The following TTBK1 variants were observed in gnomAD, a reference collection of about 807,000 sequenced individuals.
TTBK1 encodes tau tubulin kinase 1.
TTBK1 carries 34 observed loss-of-function variants against 108.5 expected under a neutral mutation model. The observed-to-expected ratio is 0.31, with a 90% CI of 0.24 to 0.42. The LOEUF is 0.42. Among genes scored for constraint, TTBK1 ranks in the 10% least tolerant of loss-of-function variants. The probability of loss-of-function intolerance (pLI) is 1.00; values close to 1 mark genes in which losing one functional copy is unlikely to be tolerated. For missense variants in TTBK1, 1,539 were observed against 1,826.0 expected (o/e 0.84, Z 2.86); for synonymous variants, 809 against 795.1 (o/e 1.02, Z -0.29).
chr6:43,264,064 G>A (rs2150696860), intron 13 of TTBK1, among the ~76,000 whole-genome samples: 1 of 152,244 alleles, frequency 6.6e-6, no homozygotes, highest in South Asian at 2.1e-4. Context: ...GAGTGGTTTT[G>A]AAGGGAATGA....
In TTBK1 at chr6:43,253,635, G is replaced by A. The variant is rs915404969; in HGVS notation, c.398G>A (p.Arg133Gln). ...RGTFTLSTTL[R>Q]LGKQILESIE... ...ACCTTCACGCTGAGCACCACATTGC[G>A]GCTGGGCAAGCAGATCTTGGAGTCC... The change falls in exon 5 of 15, where the codon CGG becomes CAG. Residue 133 changes from arginine (R) to glutamine (Q), a missense_variant. Arg to Gln is a conservative substitution (Grantham distance 43). Coordinates refer to ENST00000259750, the MANE Select transcript of TTBK1 (RefSeq NM_032538.3). The surrounding 1 kb of genome is among the most constrained non-coding windows in gnomAD (Gnocchi z 5.8). 1.2e-6 allele frequency: 2 copies of A among 1,612,358 alleles called. No homozygotes were observed. Among genetic ancestry groups the A allele is most frequent in the East Asian group, 2.2e-5 (1 of 44,846 alleles).
At position 43,255,039 on chromosome 6, in the gene TTBK1, C is replaced by T; in HGVS notation, c.577-10C>T. The T allele has an allele frequency of 6.2e-7, 1 of 1,613,446 alleles. No individual in the cohort carries two copies. The highest frequency in any genetic ancestry group is 8.5e-7 in the Non-Finnish European group (1 of 1,179,772). ...GGTGGGTGACGTTCTTGGTGGTCTC[C>T]CTTCTGCAGCCTCGGAATGTGGCCG... On this transcript the variant is annotated splice_polypyrimidine_tract_variant and intron_variant, in intron 6 of 14. Coordinates refer to ENST00000259750, the MANE Select transcript of TTBK1 (RefSeq NM_032538.3).
chr6:43,272,230 A>G (rs145775566), intron 13 of TTBK1: 15,579 of 985,416 alleles, frequency 0.016, 122 homozygotes, highest in Non-Finnish European at 0.017. Context: ...GTTGGATGAA[A>G]CCAAGCACTC....
intron 13 of TTBK1, among the ~76,000 whole-genome samples, chr6:43,281,689 G>A (rs1273619456): frequency 6.6e-6 from 1 of 152,204 alleles, no homozygotes; most frequent in East Asian, 1.9e-4. Flanking sequence ...TTCTGGTCTG[G>A]ATGGGCTGTG....
rs996473745 is a variant in TTBK1 at position 43,273,293 on chromosome 6, G to C, written c.1987-9434G>C. The stretch of plus-strand genomic sequence containing the variant: ...GGCCCCCTCCTCAGTCTATAGAAAA[G>C]AGGGGAGTTGTCAGCAAGCCATATT... On this transcript the variant is annotated intron_variant, in intron 13 of 14. Coordinates refer to ENST00000259750, the MANE Select transcript of TTBK1 (RefSeq NM_032538.3). The surrounding 1 kb of genome is among the most constrained non-coding windows in gnomAD (Gnocchi z 4.2). Among the ~76,000 whole-genome samples the C allele has an allele frequency of 2.0e-5, 3 of 152,198 alleles. No homozygotes were observed. The highest frequency in any genetic ancestry group is 1.9e-4 in the East Asian group (1 of 5,202).
intron 13 of TTBK1, among the ~76,000 whole-genome samples, chr6:43,277,630 C>T (rs1371392763): frequency 2.0e-5 from 3 of 152,218 alleles, no homozygotes; most frequent in Non-Finnish European, 4.4e-5. Context: ...TAGGTGGCCA[C>T]GTTCCCGGGT....
In TTBK1 at chr6:43,259,015, T is replaced by C. The variant is rs1777451470; in HGVS notation, c.1017-23T>C. 2.3e-5 allele frequency: 37 copies of C among 1,584,596 alleles called. No individual in the cohort carries two copies. Among genetic ancestry groups the C allele is most frequent in the Non-Finnish European group, 3.2e-5 (37 of 1,161,808 alleles). On this transcript the variant is annotated intron_variant, in intron 10 of 14. Transcript: ENST00000259750. The surrounding 1 kb of genome is among the most constrained non-coding windows in gnomAD (Gnocchi z 6.7). ...AGGGCACCCCTGCCAGCCTTGCCCATGGCTCCCTCCTGCCCTCTCCAGGGT... is the reference window on the plus strand; with the variant it reads ...AGGGCACCCCTGCCAGCCTTGCCCACGGCTCCCTCCTGCCCTCTCCAGGGT...
At chr6:43,268,109 G>A (rs1777731242) in intron 13 of TTBK1, among the ~76,000 whole-genome samples, 1 of 152,234 alleles carries the variant, frequency 6.6e-6, no homozygotes, top group South Asian at 2.1e-4. Context: ...AAGACAAGTA[G>A]GTGGCCACAA....
In TTBK1 at chr6:43,257,863, A is replaced by T; in HGVS notation, c.913A>T (p.Asn305Tyr). Reference protein sequence around the residue: ...NSMKERGIAENEAFDWEKAGT... With the variant: ...NSMKERGIAEYEAFDWEKAGT... ...CATGAAGGAGAGGGGCATTGCCGAGAATGAGGCCTTTGACTGGGAGAAGGC... is the reference window on the plus strand; with the variant it reads ...CATGAAGGAGAGGGGCATTGCCGAGTATGAGGCCTTTGACTGGGAGAAGGC... Residue 305 changes from asparagine (N) to tyrosine (Y), a missense_variant, in exon 10 of 15, where the codon AAT becomes TAT. Asn to Tyr is a moderately radical substitution (Grantham distance 143, BLOSUM62 -2). Coordinates refer to ENST00000259750, the MANE Select transcript of TTBK1 (RefSeq NM_032538.3). The surrounding 1 kb of genome is among the most constrained non-coding windows in gnomAD (Gnocchi z 4.5). 1 of 1,613,860 alleles carries T rather than the reference A, an allele frequency of 6.2e-7. No individual in the cohort carries two copies. The highest frequency in any genetic ancestry group is 8.5e-7 in the Non-Finnish European group (1 of 1,179,966).
rs113223901 is a variant in TTBK1, at chr6:43,259,760, G to T, written c.1424+54G>T. On this transcript the variant is annotated intron_variant, in intron 12 of 14. Transcript: ENST00000259750. This position sits in a 1 kb window ranked among gnomAD's most constrained non-coding sequence, Gnocchi z 6.7. ...GGCCCAAGGCCCTCTCCGCCTTCAC[G>T]TGGCTGGTCTGGAGGAAAAGTTAGA... 1 of 1,462,750 alleles carries T rather than the reference G, an allele frequency of 6.8e-7. No homozygotes were observed. The highest frequency in any genetic ancestry group is 9.1e-7 in the Non-Finnish European group (1 of 1,099,708). The allele number at this position is 1,462,750 out of a possible 1,614,324, so 90.6% of individuals were successfully genotyped here.
chr6:43,246,603 C>T lies in TTBK1; in HGVS notation c.-54-4C>T, dbSNP rs1015408279. The T allele has an allele frequency of 1.6e-5, 23 of 1,426,556 alleles. No homozygotes were observed. The highest frequency in any genetic ancestry group is 2.2e-5 in the Non-Finnish European group (23 of 1,037,296). 88.4% of individuals were successfully genotyped at this position (1,426,556 alleles called of 1,614,324 possible). A position where few individuals can be genotyped will look rare whatever the true frequency, so the allele number is the denominator to read the frequency against. On this transcript the variant is annotated splice_region_variant and splice_polypyrimidine_tract_variant and intron_variant, in intron 1 of 14. Coordinates refer to ENST00000259750, the MANE Select transcript of TTBK1 (RefSeq NM_032538.3). ...GCCCTCACAGGCCCTCCTCACTCCC[C>T]TAGGTAGATGGCCCCCTCAGGGCAG... is the stretch of plus-strand genomic sequence containing the variant.
At chr6:43,255,202 G>A in intron 7 of TTBK1, 88 bp downstream of exon 7, 2 of 990,012 alleles carry the variant, frequency 2.0e-6, no homozygotes, top group African/African-American at 3.2e-5. Context: ...GTGGGGAGAG[G>A]AGAGTGGGGC....
At chr6:43,246,848 C>T (rs1777102783) in intron 2 of TTBK1, 80 bp downstream of exon 2, 2 of 1,071,546 alleles carry the variant, frequency 1.9e-6, no homozygotes, top group Non-Finnish European at 2.7e-6. Context: ...AAACCGGTGC[C>T]CTCCGCTCCC....
Position 43,258,568 on chromosome 6 carries a change from T to C in TTBK1, c.1017-470T>C, listed in dbSNP as rs866540285. On this transcript the variant is annotated intron_variant, in intron 10 of 14. Transcript: ENST00000259750. ...TCCATACAGACATTGCTTAAAGAAC[T>C]CGAAAGTTTAATCATCAAAGAAGAT... Among the ~76,000 whole-genome samples, 42 of 151,408 alleles carry C rather than the reference T, an allele frequency of 2.8e-4. 1 individual carries two copies. In the South Asian group the frequency reaches 4.6e-3, roughly 17 times the overall value.
intron 13 of TTBK1, chr6:43,272,423 G>A (rs1358835388): frequency 1.0e-6 from 1 of 985,448 alleles, no homozygotes; most frequent in Non-Finnish European, 1.2e-6. Context: ...AACGCCTTTG[G>A]AAGTGGGAGA....
At position 43,253,388 on chromosome 6, in the gene TTBK1, G is replaced by A. The variant is rs748524022; in HGVS notation, c.330+24G>A. On this transcript the variant is annotated intron_variant, in intron 4 of 14. Coordinates refer to ENST00000259750, the MANE Select transcript of TTBK1 (RefSeq NM_032538.3). The surrounding 1 kb of genome is among the most constrained non-coding windows in gnomAD (Gnocchi z 5.8). ...AGGTGAGTCCCCGTGGCCCATCCTC[G>A]CTCCCCTCTCTAAGAGCTTGGGCTG... The A allele has an allele frequency of 1.8e-5, 29 of 1,612,906 alleles. No individual in the cohort carries two copies. Among genetic ancestry groups the A allele is most frequent in the Admixed American group, 5.0e-5 (3 of 59,918 alleles).
intron 12 of TTBK1, among the ~76,000 whole-genome samples, chr6:43,261,549 TC>T (rs997140855): frequency 1.1e-3 from 169 of 152,256 alleles, no homozygotes; most frequent in Admixed American, 4.5e-3. Context: ...GAACAGTGGC[TC>T]GCGTCTGTAA....
Position 43,285,148 on chromosome 6 carries a change from C to A in TTBK1, c.3738C>A (p.Ser1246Arg), listed in dbSNP as rs1372763467. The change falls in exon 15 of 15, where the codon AGC (serine) becomes AGA (arginine). Residue 1246 changes from serine to arginine, a missense_variant. By Grantham distance (110) the Ser-to-Arg change is moderately radical. Coordinates refer to ENST00000259750, the MANE Select transcript of TTBK1 (RefSeq NM_032538.3). The surrounding 1 kb of genome is among the most constrained non-coding windows in gnomAD (Gnocchi z 4.7). The part of the protein sequence containing the change: ...PASTSAARNA[S>R]ASPRSQSLSR... ...CCACATCCGCCGCGCGCAATGCCAG[C>A]GCGTCCCCCCGGAGCCAGTCCCTGT... 2 of 1,429,138 alleles carry A rather than the reference C, an allele frequency of 1.4e-6. No individual in the cohort carries two copies. Among genetic ancestry groups the A allele is most frequent in the South Asian group, 1.5e-5 (1 of 67,426 alleles). The allele number at this position is 1,429,138 out of a possible 1,614,324, so 88.5% of individuals were successfully genotyped here.
rs181819260 is a variant in TTBK1, at chr6:43,274,335, C to T, written c.1987-8392C>T. Among the ~76,000 whole-genome samples, 704 of 152,280 alleles carry T rather than the reference C, an allele frequency of 4.6e-3. 4 individuals carry two copies. Among genetic ancestry groups the T allele is most frequent in the Middle Eastern group, 0.017 (5 of 294 alleles). On this transcript the variant is annotated intron_variant, in intron 13 of 14. Coordinates refer to ENST00000259750, the MANE Select transcript of TTBK1 (RefSeq NM_032538.3). Reference sequence around the variant, plus strand: ...TGAGCCATGCTGGTCCCAGGACACCCGGACTCGCTCTCTCTTCTGTCCTGC... The same window carrying T: ...TGAGCCATGCTGGTCCCAGGACACCTGGACTCGCTCTCTCTTCTGTCCTGC...
Sources: allele counts gnomAD v4.1 joint callset (sites outside exome capture counted in the v4.1 genomes callset), GRCh38; gene constraint gnomAD v4.1.1; non-coding constraint Gnocchi (gnomAD v3.1); transcripts MANE v1.5; gene names NCBI Gene and HGNC (gene_info 2026-07-23, HGNC 2026-07-21).